ZDHHC14: variants seen among roughly 807,000 people sequenced by gnomAD.
ZDHHC14 encodes the protein zDHHC palmitoyltransferase 14.
A neutral mutation model predicts 47.7 loss-of-function variants in ZDHHC14; 16 were observed. That is an observed-to-expected ratio of 0.34 (90% CI 0.23 to 0.51). The LOEUF is 0.51. Ranked by LOEUF, ZDHHC14 falls within the 20% of genes least tolerant of loss-of-function variation. ZDHHC14 has a pLI of 0.97. For missense variants in ZDHHC14, 515 were observed against 662.5 expected (o/e 0.78, Z 2.44); for synonymous variants, 293 against 278.9 (o/e 1.05, Z -0.50).
chr6:157,600,894 G>C (rs532030266), intron 3 of ZDHHC14, among the ~76,000 whole-genome samples: 1 of 152,330 alleles, frequency 6.6e-6, no homozygotes, highest in Admixed American at 6.5e-5. Context: ...ACTTGAGAGA[G>C]TTTATCCTGG....
intron 1 of ZDHHC14, among the ~76,000 whole-genome samples, chr6:157,459,059 T>A (rs1182098864): frequency 1.3e-5 from 2 of 152,006 alleles, no homozygotes; most frequent in Non-Finnish European, 2.9e-5. Context: ...TTCTCCATGT[T>A]GGTCAGGCTG....
intron 2 of ZDHHC14, among the ~76,000 whole-genome samples, chr6:157,592,261 T>C (rs1783935975): frequency 6.6e-6 from 1 of 152,180 alleles, no homozygotes. Flanking sequence ...CACGTTTGTA[T>C]TGTCATTGAC....
At chr6:157,430,165 A>G (rs563631138) in intron 1 of ZDHHC14, among the ~76,000 whole-genome samples, 4 of 152,054 alleles carry the variant, frequency 2.6e-5, no homozygotes, top group African/African-American at 9.6e-5. Context: ...AAAATACACA[A>G]ATTAGCTGGG....
intron 3 of ZDHHC14, among the ~76,000 whole-genome samples, chr6:157,608,280 C>T (rs1022456550): frequency 1.3e-5 from 2 of 152,054 alleles, no homozygotes; most frequent in Admixed American, 6.6e-5. Flanking sequence ...ATTATATGGG[C>T]TCTGTGCTCG....
intron 7 of ZDHHC14, among the ~76,000 whole-genome samples, chr6:157,649,502 A>C: frequency 6.6e-6 from 1 of 151,908 alleles, no homozygotes. Flanking sequence ...TGCCACCTCG[A>C]CCCAGCCCCT....
At chr6:157,626,588 C>G (rs1203384186) in intron 3 of ZDHHC14, among the ~76,000 whole-genome samples, 2 of 152,154 alleles carry the variant, frequency 1.3e-5, no homozygotes, top group African/African-American at 4.8e-5. Context: ...CCCCTCCCCT[C>G]CACATGCACA....
At chr6:157,564,354 T>C (rs1782823891) in intron 2 of ZDHHC14, among the ~76,000 whole-genome samples, 1 of 152,108 alleles carries the variant, frequency 6.6e-6, no homozygotes, top group Admixed American at 6.5e-5. Flanking sequence ...GAAGTGGGGT[T>C]GGGGGGAAGA....
intron 1 of ZDHHC14, among the ~76,000 whole-genome samples, chr6:157,406,463 A>G (rs548368150): frequency 5.3e-5 from 8 of 152,324 alleles, no homozygotes; most frequent in African/African-American, 1.9e-4. Context: ...AGAGCGCTGG[A>G]TGGAATTTGG....
chr6:157,522,021 A>ATT (rs34084118), intron 1 of ZDHHC14, among the ~76,000 whole-genome samples: 96 of 150,882 alleles, frequency 6.4e-4, no homozygotes, highest in African/African-American at 9.7e-4. Context: ...AACAAGTTGC[A>ATT]TTTTTTTTTT....
chr6:157,525,906 A>G (rs972941210), intron 1 of ZDHHC14, among the ~76,000 whole-genome samples: 2 of 152,158 alleles, frequency 1.3e-5, no homozygotes, highest in Admixed American at 1.3e-4. Flanking sequence ...TGGGCTTTTC[A>G]GGAATTGCCT....
At chr6:157,446,429 A>G (rs1382757722) in intron 1 of ZDHHC14, among the ~76,000 whole-genome samples, 1 of 151,106 alleles carries the variant, frequency 6.6e-6, no homozygotes, top group African/African-American at 2.4e-5. Context: ...TTGTGTTTTG[A>G]GATGGAGTCT....
At chr6:157,484,886 A>C (rs1779740002) in intron 1 of ZDHHC14, among the ~76,000 whole-genome samples, 1 of 152,040 alleles carries the variant, frequency 6.6e-6, no homozygotes, top group African/African-American at 2.4e-5. Flanking sequence ...TGGTTTATTT[A>C]AAAATAATAG....
intron 1 of ZDHHC14, among the ~76,000 whole-genome samples, chr6:157,478,869 C>T (rs1238156352): frequency 6.6e-6 from 1 of 152,076 alleles, no homozygotes; most frequent in East Asian, 1.9e-4. Flanking sequence ...GATGTTTGAC[C>T]ATGTGAAGTG....
chr6:157,433,910 G>A (rs956906066), intron 1 of ZDHHC14, among the ~76,000 whole-genome samples: 5 of 152,142 alleles, frequency 3.3e-5, no homozygotes, highest in African/African-American at 1.2e-4. Flanking sequence ...AAAGGAAATA[G>A]CAGTGACCAG....
intron 2 of ZDHHC14, among the ~76,000 whole-genome samples, chr6:157,581,962 C>T (rs1423597416): frequency 6.6e-6 from 1 of 152,138 alleles, no homozygotes. Flanking sequence ...GTGGCACAGT[C>T]TCAGTTCAGT....
intron 1 of ZDHHC14, among the ~76,000 whole-genome samples, chr6:157,500,986 A>G (rs543336486): frequency 3.3e-5 from 5 of 152,326 alleles, no homozygotes; most frequent in African/African-American, 1.2e-4. Flanking sequence ...CACGTTATGA[A>G]GTTCATTATT....
intron 1 of ZDHHC14, among the ~76,000 whole-genome samples, chr6:157,478,061 T>C (rs1779534161): frequency 6.6e-6 from 1 of 152,210 alleles, no homozygotes; most frequent in African/African-American, 2.4e-5. Flanking sequence ...AATTAGTTTG[T>C]CTTTAAAATA....
At chr6:157,424,238 G>A (rs1238975993) in intron 1 of ZDHHC14, among the ~76,000 whole-genome samples, 3 of 152,166 alleles carry the variant, frequency 2.0e-5, no homozygotes, top group Admixed American at 6.5e-5. Context: ...GGGAAAAAAG[G>A]CAAACCTTAA....
At chr6:157,570,750 TAC>T (rs1783063966) in intron 2 of ZDHHC14, among the ~76,000 whole-genome samples, 1 of 136,020 alleles carries the variant, frequency 7.4e-6, no homozygotes, top group African/African-American at 3.3e-5. Context: ...TATATGTATA[TAC>T]ATACACACAC....
Sources: gnomAD v4.1 joint callset for allele counts (sites outside exome capture counted in the v4.1 genomes callset) on GRCh38, gnomAD v4.1.1 for gene constraint, MANE v1.5 for transcripts, NCBI Gene and HGNC (gene_info 2026-07-23, HGNC 2026-07-21) for gene names.